The following DPY19L2 variants were observed in gnomAD, a reference collection of about 807,000 sequenced individuals.
The protein encoded by DPY19L2 is probable C-mannosyltransferase DPY19L2.
In DPY19L2, 34 loss-of-function variants were observed where a neutral mutation model predicts 97.9. The observed-to-expected ratio is 0.35, with a 90% CI of 0.26 to 0.46. The LOEUF is 0.46. DPY19L2 is among the 20% of genes least tolerant of loss of function. The pLI, the probability that DPY19L2 is intolerant of heterozygous loss-of-function variation, is 1.00. For synonymous variants in DPY19L2, 230 were observed against 307.9 expected (o/e 0.75, Z 2.65); for missense variants, 623 against 911.4 (o/e 0.68, Z 4.07).
intron 16 of DPY19L2, among the ~76,000 whole-genome samples, chr12:63,586,814 T>C (rs969970476): frequency 6.6e-6 from 1 of 152,148 alleles, no homozygotes. Flanking sequence ...TTGATAATAA[T>C]TTAAGAGAAA....
In DPY19L2 at chr12:63,641,727, T is replaced by A. The variant is rs553591337; in HGVS notation, c.803+2676A>T. On this transcript the variant is annotated intron_variant, in intron 6 of 21. Transcript: ENST00000324472. The stretch of plus-strand genomic sequence containing the variant: ...TCTCTGTTAATGGATATTTGGGTTG[T>A]TTCCAGTTTGAAGCTATTGCAGATA... Among the ~76,000 whole-genome samples the A allele has an allele frequency of 4.7e-4, 71 of 152,246 alleles. 1 individual carries two copies. In the South Asian group the frequency reaches 0.014, roughly 30 times the overall value.
At chr12:63,654,408 A>C (rs1218564263) in intron 4 of DPY19L2, among the ~76,000 whole-genome samples, 1 of 152,164 alleles carries the variant, frequency 6.6e-6, no homozygotes. Flanking sequence ...GAAGGTTAAA[A>C]TAAAAGCAAA....
At chr12:63,623,696 T>C (rs1258992374) in intron 8 of DPY19L2, 2 of 200,762 alleles carry the variant, frequency 1.0e-5, no homozygotes, top group Non-Finnish European at 1.0e-5. Context: ...GAAGTGTATA[T>C]ATGTAATATA....
In DPY19L2 at chr12:63,559,170, T is replaced by A. The variant is rs956956467; in HGVS notation, c.*1342A>T. On this transcript the variant is annotated 3_prime_UTR_variant, in exon 22 of 22. Transcript: ENST00000324472. ...ATTATTTGAAAATGCTAAAATAAAA[T>A]GTGGCATGTTTTCTTAGCTGTTTTG... is the stretch of plus-strand genomic sequence containing the variant. 2.0e-5 allele frequency: 3 copies of A among 152,192 alleles called. No homozygotes were observed. The highest frequency in any genetic ancestry group is 7.2e-5 in the African/African-American group (3 of 41,454). 9.4% of individuals were successfully genotyped at this position (152,192 alleles called of 1,614,324 possible).
At chr12:63,628,639 G>A (rs1890025331) in intron 6 of DPY19L2, among the ~76,000 whole-genome samples, 1 of 152,018 alleles carries the variant, frequency 6.6e-6, no homozygotes, top group Non-Finnish European at 1.5e-5. Flanking sequence ...CACCTCTGGG[G>A]GCAGGACGTT....
At chr12:63,632,701 T>C (rs1353721926) in intron 6 of DPY19L2, among the ~76,000 whole-genome samples, 1 of 152,072 alleles carries the variant, frequency 6.6e-6, no homozygotes, top group African/African-American at 2.4e-5. Flanking sequence ...CTTCACAGAA[T>C]TGGAAAAAAC....
intron 8 of DPY19L2, among the ~76,000 whole-genome samples, chr12:63,623,069 G>A (rs1319590536): frequency 6.6e-6 from 1 of 152,010 alleles, no homozygotes; most frequent in East Asian, 1.9e-4. Flanking sequence ...CTGGGAGTTT[G>A]GAGGAGATAG....
At chr12:63,599,602 T>C (rs1441312698) in intron 13 of DPY19L2, among the ~76,000 whole-genome samples, 2 of 152,260 alleles carry the variant, frequency 1.3e-5, no homozygotes, top group Non-Finnish European at 2.9e-5. Flanking sequence ...ATGAGGTAAA[T>C]TTCAAAATTG....
chr12:63,599,087 C>A (rs1269865903), intron 13 of DPY19L2, among the ~76,000 whole-genome samples: 2 of 151,350 alleles, frequency 1.3e-5, no homozygotes, highest in African/African-American at 4.8e-5. Context: ...GCACGAGAAT[C>A]GCTTGAGCCC....
At chr12:63,632,522 C>T (rs1890882560) in intron 6 of DPY19L2, among the ~76,000 whole-genome samples, 4 of 152,100 alleles carry the variant, frequency 2.6e-5, no homozygotes, top group Non-Finnish European at 5.9e-5. Context: ...TGTGAAGGAC[C>T]TCTTCAAGGA....
chr12:63,665,885 C>T (rs1896277654), intron 1 of DPY19L2, 26 bp from the exon 2 acceptor site: 1 of 1,567,498 alleles, frequency 6.4e-7, no homozygotes, highest in Non-Finnish European at 8.7e-7. Flanking sequence ...AAAGGAAAGT[C>T]ATTAATAGCT....
chr12:63,663,978 T>C (rs2136155439), intron 2 of DPY19L2, 133 bp from the exon 3 acceptor site: 3 of 638,872 alleles, frequency 4.7e-6, no homozygotes, highest in East Asian at 6.1e-5. Flanking sequence ...TACTAACTTG[T>C]ATGTTTTTCA....
intron 21 of DPY19L2, among the ~76,000 whole-genome samples, chr12:63,568,825 T>A (rs925809503): frequency 3.3e-5 from 5 of 152,076 alleles, no homozygotes; most frequent in African/African-American, 1.2e-4. Flanking sequence ...CTTATGTCAT[T>A]TTGGGTTTTG....
At chr12:63,624,702 G>A (rs1218391604) in intron 7 of DPY19L2, among the ~76,000 whole-genome samples, 3 of 152,298 alleles carry the variant, frequency 2.0e-5, no homozygotes, top group Non-Finnish European at 4.4e-5. Flanking sequence ...CAAATGTGAT[G>A]CAAGTAATAA....
chr12:63,604,102 C>T (rs1417753120), intron 12 of DPY19L2, among the ~76,000 whole-genome samples: 1 of 152,138 alleles, frequency 6.6e-6, no homozygotes, highest in Non-Finnish European at 1.5e-5. Flanking sequence ...GTCTATTTCC[C>T]CTTCATTCCT....
intron 6 of DPY19L2, among the ~76,000 whole-genome samples, chr12:63,630,444 C>T (rs193251827): frequency 1.8e-4 from 27 of 152,034 alleles, no homozygotes; most frequent in African/African-American, 6.3e-4. Context: ...AGACTTTAAA[C>T]CAACAAAGAT....
chr12:63,614,431 GA>G (rs1382954040), intron 11 of DPY19L2, among the ~76,000 whole-genome samples: 2 of 152,028 alleles, frequency 1.3e-5, no homozygotes, highest in Non-Finnish European at 2.9e-5. Context: ...AAATAAGGTT[GA>G]TAAGGCAGAA....
intron 11 of DPY19L2, among the ~76,000 whole-genome samples, chr12:63,615,783 T>A (rs1431803263): frequency 6.6e-6 from 1 of 152,162 alleles, no homozygotes; most frequent in Non-Finnish European, 1.5e-5. Flanking sequence ...ACAGGTCACA[T>A]GGAGGCTTCT....
chr12:63,559,467 G>C lies in DPY19L2; in HGVS notation c.*1045C>G, dbSNP rs545726812. 6.6e-6 allele frequency: 1 copy of C among 152,624 alleles called. No individual in the cohort carries two copies. Among genetic ancestry groups the C allele is most frequent in the Admixed American group, 6.5e-5 (1 of 15,288 alleles). 9.5% of individuals were successfully genotyped at this position (152,624 alleles called of 1,614,324 possible). On this transcript the variant is annotated 3_prime_UTR_variant, in exon 22 of 22. Transcript: ENST00000324472. ...ATGTTTATCTTTGCATTTGGCAAGA[G>C]TATCTTCAAGATAACTACCACTTTT...
Sources: gnomAD v4.1 joint callset for allele counts (sites outside exome capture counted in the v4.1 genomes callset) on GRCh38, gnomAD v4.1.1 for gene constraint, MANE v1.5 for transcripts, NCBI Gene and HGNC (gene_info 2026-07-23, HGNC 2026-07-21) for gene names.